Variants in PRKN observed in about 807,000 individuals in gnomAD.
The protein encoded by PRKN is parkin RBR E3 ubiquitin protein ligase.
PRKN carries 56 observed loss-of-function variants against 59.5 expected under a neutral mutation model. The observed-to-expected ratio is 0.94, with a 90% CI of 0.76 to 1.18. PRKN has a LOEUF of 1.18. Among genes scored for constraint, PRKN ranks in the 50% most tolerant of loss-of-function variants. PRKN has a pLI of 0.00. For synonymous variants in PRKN, 250 were observed against 222.1 expected (o/e 1.13, Z -1.12); for missense variants, 657 against 596.4 (o/e 1.10, Z -1.06).
intron 6 of PRKN, among the ~76,000 whole-genome samples, chr6:161,956,052 C>T (rs958040638): frequency 6.6e-6 from 1 of 152,180 alleles, no homozygotes; most frequent in Admixed American, 6.5e-5. Flanking sequence ...ATCCCCCTTT[C>T]AGTTAGCAAG....
At position 161,550,507 on chromosome 6, in the gene PRKN, T is replaced by C. The variant is rs2115430488; in HGVS notation, c.934-1504A>G. Among the ~76,000 whole-genome samples the C allele has an allele frequency of 6.6e-6, 1 of 152,306 alleles. No homozygotes were observed. The highest frequency in any genetic ancestry group is 2.4e-5 in the African/African-American group (1 of 41,550). On this transcript the variant is annotated intron_variant, in intron 8 of 11. Transcript: ENST00000366898. This position sits in a 1 kb window ranked among gnomAD's most constrained non-coding sequence, Gnocchi z 4.0. ...CTTATGTCAACATCTATGCAAAAGA[T>C]GGCACTGGCTTGAACCGGGAAGGTA...
chr6:161,940,244 T>TTA (rs1188082547), intron 6 of PRKN, among the ~76,000 whole-genome samples: 5 of 150,206 alleles, frequency 3.3e-5, no homozygotes, highest in Non-Finnish European at 7.4e-5. Flanking sequence ...AGGTGTCTAG[T>TTA]ATCACAAAAT....
chr6:161,650,125 C>G (rs1784098472), intron 7 of PRKN, among the ~76,000 whole-genome samples: 1 of 152,108 alleles, frequency 6.6e-6, no homozygotes, highest in South Asian at 2.1e-4. Flanking sequence ...GATGATAACC[C>G]AGTAATTTTG....
intron 7 of PRKN, among the ~76,000 whole-genome samples, chr6:161,580,978 G>A (rs909447728): frequency 2.0e-5 from 3 of 151,536 alleles, no homozygotes; most frequent in African/African-American, 4.9e-5. Flanking sequence ...AAGGCAGATG[G>A]ATCACCTTAG....
intron 2 of PRKN, among the ~76,000 whole-genome samples, chr6:162,366,621 C>G (rs1785451513): frequency 6.6e-6 from 1 of 151,986 alleles, no homozygotes; most frequent in Non-Finnish European, 1.5e-5. Context: ...AATGTTTATT[C>G]CCGGCCAGGC....
intron 2 of PRKN, among the ~76,000 whole-genome samples, chr6:162,339,472 G>A (rs867801408): frequency 0.043 from 5,537 of 128,866 alleles, 56 homozygotes; most frequent in Non-Finnish European, 0.049. Context: ...TGGGAAGTGA[G>A]GAGCCCCTCT....
At chr6:161,438,924 G>A (rs1254932786) in intron 9 of PRKN, among the ~76,000 whole-genome samples, 1 of 151,912 alleles carries the variant, frequency 6.6e-6, no homozygotes, top group Admixed American at 6.6e-5. Flanking sequence ...TAAAAAGGTA[G>A]GGGTTGTATG....
At chr6:162,519,847 G>A (rs537717761) in intron 1 of PRKN, among the ~76,000 whole-genome samples, 20 of 152,154 alleles carry the variant, frequency 1.3e-4, no homozygotes, top group Non-Finnish European at 2.1e-4. Flanking sequence ...CATATATGAA[G>A]GAAATCTAAA....
At chr6:161,622,620 C>G (rs1782948480) in intron 7 of PRKN, among the ~76,000 whole-genome samples, 1 of 152,244 alleles carries the variant, frequency 6.6e-6, no homozygotes, top group Non-Finnish European at 1.5e-5. Flanking sequence ...AAGAGAGGTT[C>G]TGTTCCTCTT....
At chr6:162,581,049 C>CA (rs1780771197) in intron 1 of PRKN, among the ~76,000 whole-genome samples, 1 of 152,124 alleles carries the variant, frequency 6.6e-6, no homozygotes, top group Non-Finnish European at 1.5e-5. Flanking sequence ...GAGAAAGAGT[C>CA]AAAAGTGCCA....
intron 4 of PRKN, among the ~76,000 whole-genome samples, chr6:162,129,858 A>G (rs555347233): frequency 1.3e-5 from 2 of 152,126 alleles, no homozygotes; most frequent in Non-Finnish European, 2.9e-5. Context: ...TGAGAAACAA[A>G]TTTTCCCCTG....
At chr6:161,604,064 T>A (rs561264560) in intron 7 of PRKN, among the ~76,000 whole-genome samples, 3 of 152,342 alleles carry the variant, frequency 2.0e-5, no homozygotes, top group African/African-American at 7.2e-5. Context: ...TCCAGAACTG[T>A]GAGCAATAAA....
intron 1 of PRKN, among the ~76,000 whole-genome samples, chr6:162,516,278 T>C (rs1777851271): frequency 6.6e-6 from 1 of 152,170 alleles, no homozygotes; most frequent in South Asian, 2.1e-4. Context: ...TCCCAGCTCC[T>C]TCTCCCTAAC....
In PRKN at chr6:161,391,433, G is replaced by C. The variant is rs547027786; in HGVS notation, c.1084-4556C>G. Among the ~76,000 whole-genome samples the C allele has an allele frequency of 1.4e-5, 2 of 148,146 alleles. No individual in the cohort carries two copies. The highest frequency in any genetic ancestry group is 2.5e-5 in the African/African-American group (1 of 40,512). ...AACAAATGTGATCCATTTCCGTAGA[G>C]TTGTTTTTTTTTTTCGAGAAATTTT... On this transcript the variant is annotated intron_variant, in intron 9 of 11. Coordinates refer to ENST00000366898, the MANE Select transcript of PRKN (RefSeq NM_004562.3). This position sits in a 1 kb window ranked among gnomAD's most constrained non-coding sequence, Gnocchi z 4.9.
rs11293379 is a variant in PRKN, at chr6:161,372,825, A to ATT, written c.1168-12622_1168-12621dup. On this transcript the variant is annotated intron_variant, in intron 10 of 11. Coordinates refer to ENST00000366898, the MANE Select transcript of PRKN (RefSeq NM_004562.3). This position sits in a 1 kb window ranked among gnomAD's most constrained non-coding sequence, Gnocchi z 4.2. Reference sequence around the variant, plus strand: ...TGGTCAACAAAGACAGAGAGACCCTATTTTTTTTTTTTTTTTTTTTTTGAG... The same window carrying ATT: ...TGGTCAACAAAGACAGAGAGACCCTATTTTTTTTTTTTTTTTTTTTTTTTGAG... Among the ~76,000 whole-genome samples, 294 of 114,334 alleles carry ATT rather than the reference A, an allele frequency of 2.6e-3. 2 individuals carry two copies. The highest frequency in any genetic ancestry group is 7.2e-3 in the South Asian group (24 of 3,348). The allele number at this position is 114,334 out of a possible 152,430, so 75.0% of individuals were successfully genotyped here. A position where few individuals can be genotyped will look rare whatever the true frequency, so the allele number is the denominator to read the frequency against.
intron 4 of PRKN, among the ~76,000 whole-genome samples, chr6:162,199,821 T>C (rs1029898076): frequency 5.9e-5 from 9 of 152,180 alleles, no homozygotes; most frequent in Admixed American, 1.3e-4. Context: ...GATGGATCCA[T>C]GATTTCTCCT....
intron 4 of PRKN, among the ~76,000 whole-genome samples, chr6:162,055,287 T>C (rs1371541083): frequency 6.6e-6 from 1 of 152,032 alleles, no homozygotes; most frequent in Non-Finnish European, 1.5e-5. Flanking sequence ...TCAGACCATC[T>C]ACTTGGAAAC....
At chr6:162,594,622 A>G (rs1179363409) in intron 1 of PRKN, among the ~76,000 whole-genome samples, 1 of 152,234 alleles carries the variant, frequency 6.6e-6, no homozygotes, top group East Asian at 1.9e-4. Flanking sequence ...TTTATTAGCT[A>G]GACCACTTAG....
In PRKN at chr6:161,546,276, T is replaced by C. The variant is rs1296156674; in HGVS notation, c.1083+2578A>G. On this transcript the variant is annotated intron_variant, in intron 9 of 11. Transcript: ENST00000366898. The surrounding 1 kb of genome is among the most constrained non-coding windows in gnomAD (Gnocchi z 4.4). ...TACAGAGTTGCTCATATATACCCTA[T>C]TTTAGAGATAAGGAAACCGAGAAAG... is the stretch of plus-strand genomic sequence containing the variant. Among the ~76,000 whole-genome samples the C allele has an allele frequency of 6.6e-6, 1 of 152,222 alleles. No individual in the cohort carries two copies. Among genetic ancestry groups the C allele is most frequent in the African/African-American group, 2.4e-5 (1 of 41,452 alleles).
Sources: gnomAD v4.1 joint callset for allele counts (sites outside exome capture counted in the v4.1 genomes callset) on GRCh38, gnomAD v4.1.1 for gene constraint, Gnocchi (gnomAD v3.1) non-coding constraint, MANE v1.5 for transcripts, NCBI Gene and HGNC (gene_info 2026-07-23, HGNC 2026-07-21) for gene names.